AFG2A: variants seen among roughly 807,000 people sequenced by gnomAD.
AFG2A encodes the protein AAA ATPase AFG2A.
chr4:123,192,782 T>G, the AFG2A span, among the ~76,000 whole-genome samples: 1 of 152,234 alleles, frequency 6.6e-6, no homozygotes, highest in Non-Finnish European at 1.5e-5. Flanking sequence ...CAAGGAATTT[T>G]TGCCCACAGG....
the AFG2A span, among the ~76,000 whole-genome samples, chr4:123,137,688 A>G: frequency 6.6e-6 from 1 of 152,058 alleles, no homozygotes; most frequent in African/African-American, 2.4e-5. Flanking sequence ...ATTTAGTATA[A>G]ATTTCCATAT....
chr4:122,947,612 G>T, the AFG2A span: 2 of 1,224,912 alleles, frequency 1.6e-6, no homozygotes, highest in South Asian at 2.4e-5. Flanking sequence ...TATAAAATGT[G>T]TAATTTTTAT....
the AFG2A span, among the ~76,000 whole-genome samples, chr4:123,285,094 C>G: frequency 6.6e-6 from 1 of 152,116 alleles, no homozygotes; most frequent in Non-Finnish European, 1.5e-5. Context: ...ATTCGCTTCT[C>G]AAACCCTGGC....
At chr4:123,305,426 C>T in the AFG2A span, among the ~76,000 whole-genome samples, 21 of 152,156 alleles carry the variant, frequency 1.4e-4, no homozygotes, top group Non-Finnish European at 2.1e-4. Context: ...ATTATTGTAA[C>T]CTGTTTACAG....
At chr4:123,154,582 G>C in the AFG2A span, among the ~76,000 whole-genome samples, 1 of 152,126 alleles carries the variant, frequency 6.6e-6, no homozygotes, top group Admixed American at 6.5e-5. Flanking sequence ...TAAAAAAATA[G>C]AAACAGTTGA....
the AFG2A span, among the ~76,000 whole-genome samples, chr4:123,265,657 G>A: frequency 6.6e-6 from 1 of 152,052 alleles, no homozygotes; most frequent in Non-Finnish European, 1.5e-5. Context: ...ATGAATGAGA[G>A]GCTGGTTAGC....
At chr4:122,985,750 ATT>A in the AFG2A span, among the ~76,000 whole-genome samples, 1 of 129,940 alleles carries the variant, frequency 7.7e-6, no homozygotes, top group Non-Finnish European at 1.7e-5. Flanking sequence ...TATCTTTTGT[ATT>A]TTTTTTTTTC....
chr4:123,224,693 C>T, the AFG2A span, among the ~76,000 whole-genome samples: 8 of 152,086 alleles, frequency 5.3e-5, no homozygotes, highest in African/African-American at 1.7e-4. Context: ...GTCTTTATAG[C>T]AGCATGATTT....
the AFG2A span, among the ~76,000 whole-genome samples, chr4:123,150,374 C>A: frequency 6.6e-6 from 1 of 152,170 alleles, no homozygotes; most frequent in African/African-American, 2.4e-5. Flanking sequence ...ATTTAGAAAA[C>A]CCCATCATCT....
At chr4:123,130,484 C>T in the AFG2A span, among the ~76,000 whole-genome samples, 1 of 152,184 alleles carries the variant, frequency 6.6e-6, no homozygotes, top group Non-Finnish European at 1.5e-5. Flanking sequence ...GTAGTTTTGC[C>T]CATTTCCCAA....
At chr4:123,284,660 GTAC>G in the AFG2A span, among the ~76,000 whole-genome samples, 1 of 152,116 alleles carries the variant, frequency 6.6e-6, no homozygotes, top group Non-Finnish European at 1.5e-5. Flanking sequence ...GGTTTTGGGG[GTAC>G]TACATTTTGG....
chr4:123,037,251 TA>T, the AFG2A span, among the ~76,000 whole-genome samples: 1 of 150,570 alleles, frequency 6.6e-6, no homozygotes, highest in Non-Finnish European at 1.5e-5. Context: ...TGATGTAAAA[TA>T]ATGAAGCACA....
the AFG2A span, among the ~76,000 whole-genome samples, chr4:122,973,121 C>A: frequency 1.1e-4 from 17 of 151,962 alleles, no homozygotes; most frequent in Admixed American, 5.9e-4. Flanking sequence ...TTTGTATATT[C>A]TTGGTGAATT....
chr4:123,096,848 G>A, the AFG2A span, among the ~76,000 whole-genome samples: 2 of 152,234 alleles, frequency 1.3e-5, no homozygotes, highest in Admixed American at 1.3e-4. Flanking sequence ...GACTCATGGA[G>A]GTAGTAAATT....
the AFG2A span, among the ~76,000 whole-genome samples, chr4:123,151,484 C>T: frequency 6.6e-6 from 1 of 152,136 alleles, no homozygotes; most frequent in Non-Finnish European, 1.5e-5. Context: ...TATCAACAGA[C>T]ACTCCTCAAA....
chr4:122,994,908 T>G, the AFG2A span, among the ~76,000 whole-genome samples: 1 of 152,098 alleles, frequency 6.6e-6, no homozygotes. Flanking sequence ...TAATCAACTG[T>G]CTCTTTCACT....
At chr4:122,967,946 AC>A in the AFG2A span, among the ~76,000 whole-genome samples, 4 of 152,152 alleles carry the variant, frequency 2.6e-5, 1 homozygote, top group East Asian at 1.9e-4. Flanking sequence ...ACATATGGAT[AC>A]TTAGAACTGA....
the AFG2A span, among the ~76,000 whole-genome samples, chr4:123,079,590 T>TGTA: frequency 6.6e-6 from 1 of 152,050 alleles, no homozygotes; most frequent in Non-Finnish European, 1.5e-5. Context: ...TATCTAGTAG[T>TGTA]GTAGTCAGGT....
At chr4:123,045,198 A>C in the AFG2A span, among the ~76,000 whole-genome samples, 2 of 151,910 alleles carry the variant, frequency 1.3e-5, no homozygotes, top group African/African-American at 4.8e-5. Flanking sequence ...TTTCTTTAAG[A>C]TCTCTAAACT....
Sources: allele counts gnomAD v4.1 joint callset (sites outside exome capture counted in the v4.1 genomes callset), GRCh38; gene constraint gnomAD v4.1.1; transcripts MANE v1.5; gene names NCBI Gene and HGNC (gene_info 2026-07-23, HGNC 2026-07-21).